Variants in ATRX observed in about 807,000 individuals in gnomAD.
The protein encoded by ATRX is ATRX chromatin remodeler, also known as chromatin remodeler ATRX.
In ATRX, 12 loss-of-function variants were observed where a neutral mutation model predicts 172.6. The ratio of observed to expected loss-of-function variants is 0.07; its 90% CI spans 0.04 to 0.11. The LOEUF (loss-of-function observed/expected upper bound fraction) is 0.11. Ranked by LOEUF, ATRX falls within the 10% of genes least tolerant of loss-of-function variation. The probability of loss-of-function intolerance (pLI) is 1.00; values close to 1 mark genes in which losing one functional copy is unlikely to be tolerated. For synonymous variants in ATRX, 674 were observed against 594.7 expected (o/e 1.13, Z -1.94); for missense variants, 1,368 against 1,767.4 (o/e 0.77, Z 4.05).
chrX:77,747,699 C>CA (rs1474176183), intron 1 of ATRX, among the ~76,000 whole-genome samples: 1 of 111,473 alleles, frequency 9.0e-6, no homozygotes, highest in Admixed American at 9.6e-5. Context: ...ATAGTAAAGA[C>CA]AAGCCATTAA....
At chrX:77,595,996 CCTT>C (rs1271099066) in intron 25 of ATRX, 3 of 111,418 alleles carry the variant, frequency 2.7e-5, no homozygotes, top group Non-Finnish European at 5.7e-5. Context: ...CATGAACTCT[CCTT>C]CTAATAAAAA....
At chrX:77,611,605 C>T in intron 22 of ATRX, among the ~76,000 whole-genome samples, 1 of 111,396 alleles carries the variant, frequency 9.0e-6, no homozygotes, top group Non-Finnish European at 1.9e-5. Context: ...CACCTGTAAT[C>T]CCAGCACTTT....
intron 31 of ATRX, 148 bp downstream of exon 31, chrX:77,523,104 A>T: frequency 1.3e-6 from 1 of 774,135 alleles, no homozygotes; most frequent in Non-Finnish European, 1.9e-6. Flanking sequence ...GCTGAAACCA[A>T]CCCATAAAGA....
intron 1 of ATRX, among the ~76,000 whole-genome samples, chrX:77,741,556 T>G (rs1044516528): frequency 9.0e-6 from 1 of 111,076 alleles, no homozygotes; most frequent in African/African-American, 3.3e-5. Context: ...CCACCTCCCA[T>G]GCTCAAGTGA....
intron 12 of ATRX, among the ~76,000 whole-genome samples, chrX:77,662,799 G>A (rs1209121725): frequency 9.0e-6 from 1 of 111,196 alleles, no homozygotes; most frequent in Non-Finnish European, 1.9e-5. Context: ...GGGTTCAAGC[G>A]ATTCTCCTGC....
intron 9 of ATRX, among the ~76,000 whole-genome samples, chrX:77,677,665 ATT>A (rs10710622): frequency 2.5e-3 from 246 of 98,676 alleles, no homozygotes; most frequent in African/African-American, 8.1e-3. Context: ...ACCTCCCTGT[ATT>A]TTTTTTTTTT....
intron 26 of ATRX, among the ~76,000 whole-genome samples, chrX:77,592,138 G>A (rs782083151): frequency 5.9e-4 from 66 of 111,109 alleles, no homozygotes; most frequent in Non-Finnish European, 1.0e-3. Flanking sequence ...CAAGCTAGGC[G>A]CGGTGGCTCA....
chrX:77,688,139 A>T (rs1239535779), intron 7 of ATRX, among the ~76,000 whole-genome samples: 1 of 110,237 alleles, frequency 9.1e-6, no homozygotes, highest in Non-Finnish European at 1.9e-5. Context: ...GGGTTTCACC[A>T]TGTTAGCCAG....
At chrX:77,532,650 G>T (rs782545774) in intron 30 of ATRX, among the ~76,000 whole-genome samples, 2 of 111,685 alleles carry the variant, frequency 1.8e-5, no homozygotes, top group South Asian at 7.5e-4. Context: ...ACTCAAGATG[G>T]ATTACAGACT....
intron 1 of ATRX, among the ~76,000 whole-genome samples, chrX:77,729,255 T>G (rs1215820884): frequency 9.0e-6 from 1 of 110,777 alleles, no homozygotes; most frequent in East Asian, 2.8e-4. Flanking sequence ...GGAAAATAGC[T>G]CATACTACAA....
chrX:77,631,362 A>C (rs2068100406), intron 19 of ATRX, among the ~76,000 whole-genome samples: 1 of 111,021 alleles, frequency 9.0e-6, no homozygotes, highest in Non-Finnish European at 1.9e-5. Flanking sequence ...TACCCACTAT[A>C]GGAGATACAG....
chrX:77,600,114 A>G (rs1290416043), intron 23 of ATRX, among the ~76,000 whole-genome samples: 1 of 112,064 alleles, frequency 8.9e-6, no homozygotes, highest in Admixed American at 9.5e-5. Flanking sequence ...CTTAGTTTTG[A>G]TAACTTTACT....
chrX:77,517,458 C>G (rs1441856213), intron 34 of ATRX, among the ~76,000 whole-genome samples: 1 of 111,569 alleles, frequency 9.0e-6, no homozygotes, highest in Non-Finnish European at 1.9e-5. Flanking sequence ...TACAATCTAC[C>G]AAGATTGAAA....
intron 1 of ATRX, among the ~76,000 whole-genome samples, chrX:77,761,888 T>C (rs185764264): frequency 1.5e-4 from 17 of 111,479 alleles, no homozygotes; most frequent in South Asian, 3.8e-4. Flanking sequence ...CACATATAGG[T>C]TGAAGTCATG....
At chrX:77,667,937 TTA>T (rs1314083280) in intron 10 of ATRX, among the ~76,000 whole-genome samples, 9 of 111,551 alleles carry the variant, frequency 8.1e-5, no homozygotes, top group African/African-American at 2.6e-4. Flanking sequence ...GCTAAAGGTT[TTA>T]TTTTTGCCCT....
intron 2 of ATRX, among the ~76,000 whole-genome samples, chrX:77,705,385 C>A (rs2072761325): frequency 8.9e-6 from 1 of 112,047 alleles, no homozygotes; most frequent in Non-Finnish European, 1.9e-5. Context: ...CTCCTGCTTG[C>A]CCCTGGCTCC....
Position 77,786,107 on chromosome X carries a change from T to C in ATRX, c.-106A>G. 4.1e-6 allele frequency: 4 copies of C among 966,405 alleles called. No individual in the cohort carries two copies. The highest frequency in any genetic ancestry group is 5.7e-6 in the Non-Finnish European group (4 of 701,828). The allele number at this position is 966,405 out of a possible 1,213,427, so 79.6% of individuals were successfully genotyped here. A position where few individuals can be genotyped will look rare whatever the true frequency, so the allele number is the denominator to read the frequency against. ...TGCACTGGAGTCTTAGTCGTCACTG[T>C]AGCTGCTGCTGGAACCTCCCCACAG... On this transcript the variant is annotated 5_prime_UTR_variant, in exon 1 of 35. Transcript: ENST00000373344.
chrX:77,691,421 C>A (rs1258435594), intron 6 of ATRX: 2 of 111,292 alleles, frequency 1.8e-5, no homozygotes, highest in South Asian at 3.7e-4. Context: ...GGAAAAGAGG[C>A]ATTTTCATTT....
chrX:77,582,720 A>G (rs1403978480), intron 27 of ATRX, among the ~76,000 whole-genome samples: 1 of 111,932 alleles, frequency 8.9e-6, no homozygotes, highest in Non-Finnish European at 1.9e-5. Flanking sequence ...CAGCAACTAT[A>G]TGCCGATAAA....
Sources: allele counts gnomAD v4.1 joint callset (sites outside exome capture counted in the v4.1 genomes callset), GRCh38; gene constraint gnomAD v4.1.1; transcripts MANE v1.5; gene names NCBI Gene and HGNC (gene_info 2026-07-23, HGNC 2026-07-21).